ARID2: variants seen among roughly 807,000 people sequenced by gnomAD.
ARID2 encodes the protein AT-rich interactive domain-containing protein 2.
A neutral mutation model predicts 184.6 loss-of-function variants in ARID2; 32 were observed. The observed-to-expected ratio is 0.17, with a 90% CI of 0.13 to 0.23. The LOEUF (loss-of-function observed/expected upper bound fraction) is 0.23. Among genes scored for constraint, ARID2 ranks in the 10% least tolerant of loss-of-function variants. The pLI, the probability that ARID2 is intolerant of heterozygous loss-of-function variation, is 1.00. For synonymous variants in ARID2, 836 were observed against 772.6 expected, an observed-to-expected ratio of 1.08 and a Z score of -1.36; for missense variants, 1,696 against 2,197.6, an observed-to-expected ratio of 0.77 and a Z score of 4.56.
intron 3 of ARID2, among the ~76,000 whole-genome samples, chr12:45,766,820 T>G (rs1941780878): frequency 6.7e-6 from 1 of 150,314 alleles, no homozygotes. Flanking sequence ...AGCCGGCATA[T>G]ATTTAATTTT....
chr12:45,798,477 A>G (rs1300809168), intron 3 of ARID2, among the ~76,000 whole-genome samples: 2 of 152,190 alleles, frequency 1.3e-5, no homozygotes, highest in Non-Finnish European at 2.9e-5. Flanking sequence ...AAAATTCAAA[A>G]TTTCAGGCAG....
intron 16 of ARID2, among the ~76,000 whole-genome samples, chr12:45,884,762 A>G (rs1288135330): frequency 6.6e-6 from 1 of 152,144 alleles, no homozygotes; most frequent in Middle Eastern, 3.2e-3. Context: ...GATATTTCCT[A>G]CAATTTCAGT....
chr12:45,886,942 TG>T (rs1161485156), intron 16 of ARID2, among the ~76,000 whole-genome samples: 4 of 152,206 alleles, frequency 2.6e-5, no homozygotes, highest in Admixed American at 2.6e-4. Context: ...TGACATGCCC[TG>T]GAGACATTTT....
chr12:45,847,002 T>C (rs1943455704), intron 12 of ARID2, 65 bp downstream of exon 12: 2 of 1,427,752 alleles, frequency 1.4e-6, no homozygotes, highest in African/African-American at 1.4e-5. Flanking sequence ...AAAAAGGAAA[T>C]GTATTCTACA....
At chr12:45,775,921 G>A (rs1941968896) in intron 3 of ARID2, among the ~76,000 whole-genome samples, 1 of 152,184 alleles carries the variant, frequency 6.6e-6, no homozygotes, top group African/African-American at 2.4e-5. Flanking sequence ...CTACGTTGTT[G>A]TAATAATTGG....
At chr12:45,787,989 G>A (rs1942227154) in intron 3 of ARID2, among the ~76,000 whole-genome samples, 1 of 152,104 alleles carries the variant, frequency 6.6e-6, no homozygotes, top group Non-Finnish European at 1.5e-5. Context: ...TTAAATTGAC[G>A]GATAGCATTG....
chr12:45,814,335 G>T (rs1034552798), intron 4 of ARID2, among the ~76,000 whole-genome samples: 1 of 152,178 alleles, frequency 6.6e-6, no homozygotes, highest in South Asian at 2.1e-4. Context: ...TGACCCACTT[G>T]TATAAATTTT....
chr12:45,849,942 T>C (rs1943511576), intron 14 of ARID2, 94 bp from the exon 15 acceptor site: 5 of 1,474,318 alleles, frequency 3.4e-6, no homozygotes, highest in Non-Finnish European at 4.5e-6. Context: ...TAGATGTTAA[T>C]TTCTTAAAAC....
intron 3 of ARID2, among the ~76,000 whole-genome samples, chr12:45,744,285 T>C (rs560204627): frequency 6.6e-6 from 1 of 152,310 alleles, no homozygotes; most frequent in South Asian, 2.1e-4. Context: ...TCCTGTGATA[T>C]ATGAAAGTAT....
intron 3 of ARID2, among the ~76,000 whole-genome samples, chr12:45,757,749 A>G (rs1329637944): frequency 6.6e-6 from 1 of 152,242 alleles, no homozygotes; most frequent in Non-Finnish European, 1.5e-5. Flanking sequence ...CAAATATTTC[A>G]TACGGTTAGT....
At position 45,757,955 on chromosome 12, in the gene ARID2, T is replaced by A. The variant is rs761829639; in HGVS notation, c.284+26641T>A. On this transcript the variant is annotated intron_variant, in intron 3 of 20. Coordinates refer to ENST00000334344, the MANE Select transcript of ARID2 (RefSeq NM_152641.4). The stretch of plus-strand genomic sequence containing the variant: ...TCTCTAAATATTTGCTGTCCAATAT[T>A]TTCTAATAAATTCCTTTAGGTGAAT... 6.8e-4 allele frequency among the ~76,000 whole-genome samples: 103 copies of A among 152,198 alleles called. 1 individual carries two copies. The highest frequency in any genetic ancestry group is 1.1e-3 in the Non-Finnish European group (72 of 68,030).
chr12:45,732,793 A>G (rs992346944), intron 3 of ARID2, among the ~76,000 whole-genome samples: 16 of 152,194 alleles, frequency 1.1e-4, no homozygotes, highest in Admixed American at 1.0e-3. Flanking sequence ...TTATAACCAG[A>G]AAGTACTATA....
At chr12:45,821,223 C>T (rs1942888819) in intron 5 of ARID2, among the ~76,000 whole-genome samples, 197 bp from the exon 6 acceptor site, 1 of 151,926 alleles carries the variant, frequency 6.6e-6, no homozygotes, top group Non-Finnish European at 1.5e-5. Flanking sequence ...TTTGTAGGAA[C>T]ACAAATTTTC....
intron 5 of ARID2, among the ~76,000 whole-genome samples, chr12:45,820,723 A>G (rs1386810820): frequency 6.6e-6 from 1 of 152,190 alleles, no homozygotes; most frequent in Admixed American, 6.6e-5. Flanking sequence ...CATATTGACA[A>G]TTCGAGCTAG....
Position 45,729,782 on chromosome 12 carries a change from G to C in ARID2, c.-55G>C. 6.6e-7 allele frequency: 1 copy of C among 1,503,844 alleles called. No individual in the cohort carries two copies. Among genetic ancestry groups the C allele is most frequent in the Non-Finnish European group, 9.0e-7 (1 of 1,105,726 alleles). 93.2% of individuals were successfully genotyped at this position (1,503,844 alleles called of 1,614,324 possible). Reference sequence around the variant, plus strand: ...CTCTGGTAGGAAGCGCTGGGAGCGGGGGGCGCTTTTAAAACACCGATCTGG... The same window carrying C: ...CTCTGGTAGGAAGCGCTGGGAGCGGCGGGCGCTTTTAAAACACCGATCTGG... On this transcript the variant is annotated 5_prime_UTR_variant, in exon 1 of 21. Transcript: ENST00000334344.
chr12:45,851,226 C>T lies in ARID2; in HGVS notation c.3103C>T (p.Gln1035Ter). The T allele has an allele frequency of 6.2e-7, 1 of 1,614,172 alleles. No individual in the cohort carries two copies. The highest frequency in any genetic ancestry group is 1.1e-5 in the South Asian group (1 of 91,084). The stretch of plus-strand genomic sequence containing the variant: ...ACAAGTACAAGTTCAGCAGCCCCAA[C>T]AAGTACAGATGCAAGTTCAACCTCA... Reference protein sequence around the residue: ...QVQVQVQQPQQVQMQVQPQQS... With the variant: ...QVQVQVQQPQ Residue 1035 changes from glutamine to a stop codon, truncating the protein, a stop_gained, in exon 15 of 21, where the codon CAA (glutamine) becomes TAA (stop). Transcript: ENST00000334344. LOFTEE classifies it high-confidence loss of function.
chr12:45,767,721 G>A (rs1242394420), intron 3 of ARID2, among the ~76,000 whole-genome samples: 1 of 152,226 alleles, frequency 6.6e-6, no homozygotes, highest in African/African-American at 2.4e-5. Flanking sequence ...TGTGGTATGG[G>A]ATGTATCTGT....
chr12:45,784,554 T>A (rs1942159713), intron 3 of ARID2, among the ~76,000 whole-genome samples: 1 of 152,072 alleles, frequency 6.6e-6, no homozygotes, highest in Non-Finnish European at 1.5e-5. Flanking sequence ...CCCAGCTACT[T>A]TCAGGGGGCT....
intron 3 of ARID2, among the ~76,000 whole-genome samples, chr12:45,772,102 G>C (rs1941889784): frequency 6.6e-6 from 1 of 152,008 alleles, no homozygotes; most frequent in Non-Finnish European, 1.5e-5. Context: ...GGAAGCCCTA[G>C]AGCAAACATG....
Sources: allele counts gnomAD v4.1 joint callset (sites outside exome capture counted in the v4.1 genomes callset), GRCh38; gene constraint gnomAD v4.1.1; transcripts MANE v1.5; gene names NCBI Gene and HGNC (gene_info 2026-07-23, HGNC 2026-07-21).